The following RGS7 variants were observed in gnomAD, a reference collection of about 807,000 sequenced individuals.
RGS7 encodes the protein regulator of G-protein signaling 7.
In RGS7, 27 loss-of-function variants were observed where a neutral mutation model predicts 81.1. That is an observed-to-expected ratio of 0.33 (90% CI 0.25 to 0.46). RGS7 has a LOEUF of 0.46. Ranked by LOEUF, RGS7 falls within the 20% of genes least tolerant of loss-of-function variation. RGS7 has a pLI of 1.00. For missense variants in RGS7, 396 were observed against 607.4 expected (o/e 0.65, Z 3.66); for synonymous variants, 208 against 207.7 (o/e 1.00, Z -0.01).
chr1:240,993,960 A>G lies in RGS7; in HGVS notation c.176-10831T>C, dbSNP rs1027864129. Among the ~76,000 whole-genome samples, 14 of 152,124 alleles carry G rather than the reference A, an allele frequency of 9.2e-5. 1 individual carries two copies. Among genetic ancestry groups the G allele is most frequent in the Admixed American group, 7.9e-4 (12 of 15,270 alleles). On this transcript the variant is annotated intron_variant, in intron 3 of 18. Coordinates refer to ENST00000440928, the MANE Select transcript of RGS7 (RefSeq NM_001364886.1). ...CTTTCCTCAGTTGAATTGCTTTTCC[A>G]TGTTTGTCAAAAATCCATTGTGTCT...
At chr1:240,891,141 G>A (rs1479352611) in intron 6 of RGS7, among the ~76,000 whole-genome samples, 1 of 152,048 alleles carries the variant, frequency 6.6e-6, no homozygotes, top group African/African-American at 2.4e-5. Flanking sequence ...TAAGTCATCT[G>A]TCCTCTCTGA....
At chr1:241,074,426 T>C (rs1192047892) in intron 3 of RGS7, among the ~76,000 whole-genome samples, 1 of 152,178 alleles carries the variant, frequency 6.6e-6, no homozygotes, top group African/African-American at 2.4e-5. Flanking sequence ...CAAAACTCAA[T>C]TACCAGAAAC....
chr1:240,928,804 T>G (rs1450102193), intron 6 of RGS7, among the ~76,000 whole-genome samples: 1 of 151,752 alleles, frequency 6.6e-6, no homozygotes, highest in Non-Finnish European at 1.5e-5. Flanking sequence ...AGAGATGGGG[T>G]TTCGTCATGT....
chr1:241,002,127 C>T (rs781194180), intron 3 of RGS7, among the ~76,000 whole-genome samples: 6 of 151,914 alleles, frequency 3.9e-5, no homozygotes, highest in South Asian at 4.2e-4. Context: ...TTCCTCTGAA[C>T]CTAAAACTCC....
chr1:241,327,850 CAATA>C (rs1386353191), intron 2 of RGS7, among the ~76,000 whole-genome samples: 1 of 152,076 alleles, frequency 6.6e-6, no homozygotes, highest in Non-Finnish European at 1.5e-5. Flanking sequence ...TTTCCCAATA[CAATA>C]ATTATGCTTA....
chr1:241,134,794 G>A (rs984598260), intron 2 of RGS7, among the ~76,000 whole-genome samples: 3 of 152,210 alleles, frequency 2.0e-5, no homozygotes, highest in South Asian at 2.1e-4. Context: ...GATTGTCCCC[G>A]GGGCCTGAAA....
At chr1:241,125,550 T>C (rs1011030641) in intron 2 of RGS7, among the ~76,000 whole-genome samples, 1 of 152,230 alleles carries the variant, frequency 6.6e-6, no homozygotes, top group African/African-American at 2.4e-5. Flanking sequence ...TTTCAGCTTC[T>C]ATCCTAAATA....
intron 2 of RGS7, among the ~76,000 whole-genome samples, chr1:241,168,577 T>G (rs907362203): frequency 2.0e-5 from 3 of 152,148 alleles, no homozygotes; most frequent in African/African-American, 7.2e-5. Flanking sequence ...ATCACTCCCC[T>G]GACTACGTTA....
chr1:241,220,291 C>G (rs886838027), intron 2 of RGS7, among the ~76,000 whole-genome samples: 1 of 152,146 alleles, frequency 6.6e-6, no homozygotes, highest in Admixed American at 6.5e-5. Flanking sequence ...ACCTAGAGAT[C>G]TAAAGAAGTA....
intron 2 of RGS7, among the ~76,000 whole-genome samples, chr1:241,211,940 TAATC>T (rs138060678): frequency 3.9e-4 from 60 of 152,264 alleles, no homozygotes; most frequent in African/African-American, 1.3e-3. Context: ...CAAGTATAAA[TAATC>T]AATATCATTA....
At chr1:240,902,721 C>T (rs1171567230) in intron 6 of RGS7, among the ~76,000 whole-genome samples, 2 of 151,952 alleles carry the variant, frequency 1.3e-5, no homozygotes, top group African/African-American at 2.4e-5. Context: ...AACTAGGAAA[C>T]AAAACTAAAT....
chr1:241,305,373 A>G (rs917160830), intron 2 of RGS7, among the ~76,000 whole-genome samples: 3 of 152,188 alleles, frequency 2.0e-5, no homozygotes, highest in African/African-American at 7.2e-5. Flanking sequence ...TTCAGGCATC[A>G]GCGACGCCAC....
At chr1:241,270,566 G>T (rs2077824269) in intron 2 of RGS7, among the ~76,000 whole-genome samples, 2 of 152,100 alleles carry the variant, frequency 1.3e-5, no homozygotes. Flanking sequence ...CCATCCTGAT[G>T]TCCTTGGAAA....
chr1:241,094,273 ACACAGAGT>A (rs971769999), intron 3 of RGS7, among the ~76,000 whole-genome samples: 1 of 151,904 alleles, frequency 6.6e-6, no homozygotes, highest in African/African-American at 2.4e-5. Context: ...ACACACACAC[ACACAGAGT>A]CACACACACA....
intron 2 of RGS7, among the ~76,000 whole-genome samples, chr1:241,273,133 T>C (rs990372406): frequency 1.7e-4 from 26 of 151,622 alleles, no homozygotes; most frequent in African/African-American, 6.3e-4. Flanking sequence ...GTTCAGATAT[T>C]ATAGGTAAAG....
intron 2 of RGS7, among the ~76,000 whole-genome samples, chr1:241,276,821 A>G (rs750502918): frequency 2.6e-5 from 4 of 152,246 alleles, no homozygotes; most frequent in Non-Finnish European, 4.4e-5. Context: ...TCCAGCCTCC[A>G]GTAAAGAATT....
At chr1:240,797,630 GCATGAGCCAC>G (rs763436305) in intron 18 of RGS7, among the ~76,000 whole-genome samples, 16 of 152,188 alleles carry the variant, frequency 1.1e-4, no homozygotes, top group Non-Finnish European at 2.4e-4. Context: ...GGGATTACAG[GCATGAGCCAC>G]CATGCCCAGC....
At chr1:240,994,916 T>A (rs930725055) in intron 3 of RGS7, among the ~76,000 whole-genome samples, 5 of 152,124 alleles carry the variant, frequency 3.3e-5, no homozygotes, top group Admixed American at 6.6e-5. Context: ...CTCCAAGTGA[T>A]CCTTGCACCT....
At chr1:241,068,853 G>C (rs187043131) in intron 3 of RGS7, among the ~76,000 whole-genome samples, 39 of 152,268 alleles carry the variant, frequency 2.6e-4, no homozygotes, top group African/African-American at 8.7e-4. Context: ...ACCGGATCAT[G>C]AGGGTGGATT....
Sources: gnomAD v4.1 joint callset for allele counts (sites outside exome capture counted in the v4.1 genomes callset) on GRCh38, gnomAD v4.1.1 for gene constraint, MANE v1.5 for transcripts, NCBI Gene and HGNC (gene_info 2026-07-23, HGNC 2026-07-21) for gene names.